The following ODAM variants were observed in gnomAD, a reference collection of about 807,000 sequenced individuals.
The protein encoded by ODAM is odontogenic ameloblast-associated protein.
In ODAM, 55 loss-of-function variants were observed where a neutral mutation model predicts 48.5. That is an observed-to-expected ratio of 1.13 (90% CI 0.91 to 1.42). The LOEUF (loss-of-function observed/expected upper bound fraction) is 1.42, where lower values mean the gene tolerates loss of function less well. Ranked by LOEUF, ODAM falls within the 40% of genes most tolerant of loss-of-function variation. The pLI is 0.00. For synonymous variants in ODAM, 127 were observed against 107.8 expected, an observed-to-expected ratio of 1.18 and a Z score of -1.10; for missense variants, 353 against 323.6, an observed-to-expected ratio of 1.09 and a Z score of -0.70.
Position 70,202,328 on chromosome 4 carries a change from T to C in ODAM, c.647T>C (p.Met216Thr), listed in dbSNP as rs1251062462. The C allele has an allele frequency of 1.2e-6, 2 of 1,609,712 alleles. No homozygotes were observed. The highest frequency in any genetic ancestry group is 1.1e-5 in the South Asian group (1 of 90,982). The change falls in exon 9 of 12, where the codon ATG becomes ACG. Residue 216 changes from methionine to threonine, a missense_variant and splice_region_variant. Coordinates refer to ENST00000683306, the MANE Select transcript of ODAM (RefSeq NM_017855.4). ...QLGTAPEIAVMSTGEEIPYLQ... is the reference protein window; with the variant it reads ...QLGTAPEIAVTSTGEEIPYLQ... ...GGCACAGCTCCTGAAATTGCTGTGATGGTAAGATTCCTTACAACACTTTGC... is the reference window on the plus strand; with the variant it reads ...GGCACAGCTCCTGAAATTGCTGTGACGGTAAGATTCCTTACAACACTTTGC...
chr4:70,197,300 A>C lies in ODAM; in HGVS notation c.120A>C (p.Gln40His), dbSNP rs770261373. 1.4e-6 allele frequency: 2 copies of C among 1,447,836 alleles called. No individual in the cohort carries two copies. Among genetic ancestry groups the C allele is most frequent in the Non-Finnish European group, 1.9e-6 (2 of 1,030,316 alleles). 89.7% of individuals were successfully genotyped at this position (1,447,836 alleles called of 1,614,324 possible). A position where few individuals can be genotyped will look rare whatever the true frequency, so the allele number is the denominator to read the frequency against. ...TACTTCTTAATCTTAATAATGGTCA[A>C]CTTTTGCCACTACAACTTCAGGTAC... ...NELLLNLNNGQLLPLQLQGPL... is the reference protein window; with the variant it reads ...NELLLNLNNGHLLPLQLQGPL... The change falls in exon 4 of 12, where the codon CAA becomes CAC. Residue 40 changes from glutamine to histidine, a missense_variant. Physicochemically the swap from Gln to His is conservative, Grantham distance 24 (BLOSUM62 0). Transcript: ENST00000683306.
chr4:70,197,413 A>G, intron 4 of ODAM, 92 bp downstream of exon 4: 1 of 806,910 alleles, frequency 1.2e-6, no homozygotes, highest in Non-Finnish European at 2.1e-6. Context: ...TCCTGATCCT[A>G]TTTTGGAAAT....
intron 9 of ODAM, 27 bp from the exon 10 acceptor site, chr4:70,202,729 C>T (rs774620839): frequency 6.3e-7 from 1 of 1,580,366 alleles, no homozygotes; most frequent in Non-Finnish European, 8.6e-7. Context: ...CTTACGACAA[C>T]TTTGTTTTCA....
chr4:70,195,746 C>T lies in ODAM; in HGVS notation c.-63C>T, dbSNP rs954608487. 4 of 983,416 alleles carry T rather than the reference C, an allele frequency of 4.1e-6. No individual in the cohort carries two copies. The highest frequency in any genetic ancestry group is 9.4e-5 in the South Asian group (2 of 21,266). 60.9% of individuals were successfully genotyped at this position (983,416 alleles called of 1,614,324 possible). A position where few individuals can be genotyped will look rare whatever the true frequency, so the allele number is the denominator to read the frequency against. The stretch of plus-strand genomic sequence containing the variant: ...CAGTAGAGCTGAGAGAGGAAAAGAA[C>T]ACAGATCTCGCATGGTTCAGATTTT... On this transcript the variant is annotated 5_prime_UTR_variant, in exon 1 of 12. Transcript: ENST00000683306.
chr4:70,197,394 C>A, intron 4 of ODAM, 73 bp downstream of exon 4: 1 of 879,306 alleles, frequency 1.1e-6, no homozygotes, highest in Non-Finnish European at 1.9e-6. Context: ...TGTAAGAAAA[C>A]AAAATGTTTC....
intron 3 of ODAM, 135 bp downstream of exon 3, chr4:70,196,868 T>C: frequency 1.5e-6 from 1 of 658,816 alleles, no homozygotes; most frequent in South Asian, 2.2e-5. Flanking sequence ...ATTTCTAATG[T>C]CCATGTTTGA....
rs145610814 is a variant in ODAM at position 70,202,299 on chromosome 4, A to G, written c.618A>G (p.Gln206=). The change falls in exon 9 of 12, where the codon CAA becomes CAG. Residue 206 remains glutamine (Q), a synonymous_variant. Coordinates refer to ENST00000683306, the MANE Select transcript of ODAM (RefSeq NM_017855.4). Reference sequence around the variant, plus strand: ...AGCAGCAACTAGCTTTTGATCCCCAACTAGGCACAGCTCCTGAAATTGCTG... The same window carrying G: ...AGCAGCAACTAGCTTTTGATCCCCAGCTAGGCACAGCTCCTGAAATTGCTG... ...GGQQQLAFDP[Q]LGTAPEIAVM... 1.6e-5 allele frequency: 26 copies of G among 1,611,866 alleles called. No homozygotes were observed. Among genetic ancestry groups the G allele is most frequent in the Non-Finnish European group, 2.0e-5 (24 of 1,178,658 alleles).
At chr4:70,203,871 T>A (rs1560485384) in intron 11 of ODAM, among the ~76,000 whole-genome samples, 2 of 151,890 alleles carry the variant, frequency 1.3e-5, no homozygotes, top group Admixed American at 1.3e-4. Flanking sequence ...TCTCCTTCCA[T>A]AAAAATGAGC....
At chr4:70,203,940 A>G (rs1248035365) in intron 11 of ODAM, among the ~76,000 whole-genome samples, 1 of 151,996 alleles carries the variant, frequency 6.6e-6, no homozygotes, top group Non-Finnish European at 1.5e-5. Context: ...AACAGTAATA[A>G]TACCTCTTTA....
At chr4:70,201,374 A>C (rs1729488952) in intron 7 of ODAM, 80 bp from the exon 8 acceptor site, 2 of 665,906 alleles carry the variant, frequency 3.0e-6, no homozygotes, top group South Asian at 1.9e-5. Context: ...AAGATATATA[A>C]GTTTAAGTAA....
At chr4:70,202,155 A>G in intron 8 of ODAM, 103 bp from the exon 9 acceptor site, 1 of 767,308 alleles carries the variant, frequency 1.3e-6, no homozygotes, top group Non-Finnish European at 2.2e-6. Context: ...AAAATAATTT[A>G]AGAAGTTTGG....
chr4:70,196,854 G>C, intron 3 of ODAM, 121 bp downstream of exon 3: 1 of 701,946 alleles, frequency 1.4e-6, no homozygotes, highest in Non-Finnish European at 2.4e-6. Context: ...GTATATCCAA[G>C]CACATTTCTA....
Position 70,197,915 on chromosome 4 carries a change from T to C in ODAM, c.142-9T>C, listed in dbSNP as rs747844033. 3.1e-6 allele frequency: 5 copies of C among 1,608,888 alleles called. No individual in the cohort carries two copies. In the Admixed American group the frequency reaches 6.7e-5, roughly 22 times the overall value. On this transcript the variant is annotated splice_polypyrimidine_tract_variant and intron_variant, in intron 4 of 11. Coordinates refer to ENST00000683306, the MANE Select transcript of ODAM (RefSeq NM_017855.4). ...GGGAACATGCTTTCTTTCCTTTGTG[T>C]CTTTTTAGGGCCCACTTAATTCATG... is the stretch of plus-strand genomic sequence containing the variant.
chr4:70,200,673 G>GA, intron 7 of ODAM, 72 bp downstream of exon 7: 6 of 986,246 alleles, frequency 6.1e-6, no homozygotes, highest in South Asian at 1.6e-5. Context: ...TATTACCATA[G>GA]AAAAAAAGTT....
At chr4:70,198,200 G>A in intron 5 of ODAM, 43 bp downstream of exon 5, 2 of 1,488,362 alleles carry the variant, frequency 1.3e-6, no homozygotes, top group Non-Finnish European at 1.8e-6. Context: ...AGAGAGAACT[G>A]CATGTTTAAT....
At chr4:70,196,754 C>A (rs767363966) in intron 3 of ODAM, 21 bp downstream of exon 3, 2 of 1,572,172 alleles carry the variant, frequency 1.3e-6, no homozygotes, top group East Asian at 2.3e-5. Context: ...ATAATTAAAA[C>A]AATCTCCTCC....
rs932147388 is a variant in ODAM, at chr4:70,203,274, A to C, written c.*29+60A>C. ...CGACAATTCCTACATAAGAAGACAA[A>C]AGAAAAAAGTTGGCAGAGGAGCTAA... On this transcript the variant is annotated intron_variant, in intron 11 of 11. Coordinates refer to ENST00000683306, the MANE Select transcript of ODAM (RefSeq NM_017855.4). 8.7e-6 allele frequency: 9 copies of C among 1,030,890 alleles called. No individual in the cohort carries two copies. The African/African-American group carries it at 1.4e-4, about 17-fold the overall frequency. The allele number at this position is 1,030,890 out of a possible 1,614,324, so 63.9% of individuals were successfully genotyped here.
intron 9 of ODAM, 67 bp from the exon 10 acceptor site, chr4:70,202,689 A>G: frequency 8.1e-7 from 1 of 1,231,470 alleles, no homozygotes. Flanking sequence ...GTTGCTTTAC[A>G]TTCTTCCCAA....
chr4:70,201,457 C>A lies in ODAM; in HGVS notation c.532C>A (p.Pro178Thr). 1 of 1,484,888 alleles carries A rather than the reference C, an allele frequency of 6.7e-7. No homozygotes were observed. Among genetic ancestry groups the A allele is most frequent in the Non-Finnish European group, 9.3e-7 (1 of 1,071,156 alleles). 92.0% of individuals were successfully genotyped at this position (1,484,888 alleles called of 1,614,324 possible). A position where few individuals can be genotyped will look rare whatever the true frequency, so the allele number is the denominator to read the frequency against. ...TRQQQYEEQI[P>T]FYAQFGYIPQ... ...CATTTTTTAAAAAATCTGACAGATA[C>A]CATTCTATGCTCAATTTGGATACAT... The change falls in exon 8 of 12, where the codon CCA (proline) becomes ACA (threonine). Residue 178 changes from proline to threonine, a missense_variant. Transcript: ENST00000683306.
Sources: gnomAD v4.1 joint callset for allele counts (sites outside exome capture counted in the v4.1 genomes callset) on GRCh38, gnomAD v4.1.1 for gene constraint, MANE v1.5 for transcripts, NCBI Gene and HGNC (gene_info 2026-07-23, HGNC 2026-07-21) for gene names.